The following SDK1 variants were observed in gnomAD, a reference collection of about 807,000 sequenced individuals.
SDK1 encodes protein sidekick-1.
SDK1 carries 157 observed loss-of-function variants against 245.5 expected under a neutral mutation model. That is an observed-to-expected ratio of 0.64 (90% CI 0.56 to 0.73). SDK1 has a LOEUF of 0.73. Ranked by LOEUF, SDK1 falls within the 30% of genes least tolerant of loss-of-function variation. SDK1 has a pLI of 0.00. For missense variants in SDK1, 3,583 were observed against 3,002.3 expected (o/e 1.19, Z -4.52); for synonymous variants, 1,647 against 1,278.5 (o/e 1.29, Z -6.15).
chr7:3,457,997 G>A (rs1780722262), intron 1 of SDK1, among the ~76,000 whole-genome samples: 1 of 152,192 alleles, frequency 6.6e-6, no homozygotes, highest in Admixed American at 6.5e-5. Flanking sequence ...CATTTTCCTT[G>A]AGAATTTTAT....
intron 4 of SDK1, among the ~76,000 whole-genome samples, chr7:3,673,840 C>G (rs1377786851): frequency 6.6e-6 from 1 of 152,168 alleles, no homozygotes; most frequent in Non-Finnish European, 1.5e-5. Flanking sequence ...TATCATAAAA[C>G]TGAGTTCTAA....
chr7:3,826,709 TCC>T (rs1199517528), intron 5 of SDK1, among the ~76,000 whole-genome samples: 1 of 152,202 alleles, frequency 6.6e-6, no homozygotes, highest in Admixed American at 6.5e-5. Flanking sequence ...TTCAGACCCT[TCC>T]TTGGGATAGC....
rs777199429 is a variant in SDK1 at position 4,012,549 on chromosome 7, CTTTTTTTTTTTTTTTTTTTTT to C, written c.2420+337_2420+357del. 0.027 allele frequency among the ~76,000 whole-genome samples: 707 copies of C among 25,936 alleles called. 27 individuals are homozygous for C. In the East Asian group the frequency reaches 0.32, roughly 12 times the overall value. 17.0% of individuals were successfully genotyped at this position (25,936 alleles called of 152,430 possible). A position where few individuals can be genotyped will look rare whatever the true frequency, so the allele number is the denominator to read the frequency against. ...GCAAGGTATATTGTTCAATGTGAAG[CTTTTTTTTTTTTTTTTTTTTT>C]TTTTTTTTTTTTTTTTTTTTTTGAT... On this transcript the variant is annotated intron_variant, in intron 16 of 44. Transcript: ENST00000404826.
intron 5 of SDK1, among the ~76,000 whole-genome samples, chr7:3,905,177 C>A (rs969011413): frequency 6.6e-6 from 1 of 151,782 alleles, no homozygotes; most frequent in African/African-American, 2.4e-5. Flanking sequence ...GATAACTTCA[C>A]CATTTTTTTT....
intron 1 of SDK1, among the ~76,000 whole-genome samples, chr7:3,440,151 A>C (rs147825203): frequency 6.6e-6 from 1 of 152,160 alleles, no homozygotes; most frequent in Admixed American, 6.5e-5. Context: ...CACCGTCCTG[A>C]GTAGTGTGAT....
At chr7:3,439,926 G>A (rs2222407) in intron 1 of SDK1, among the ~76,000 whole-genome samples, 27,900 of 129,400 alleles carry the variant, frequency 0.22, 4,735 homozygotes, top group African/African-American at 0.47. Flanking sequence ...AAACTACCCT[G>A]TGCTGGACTT....
At chr7:3,494,353 G>A (rs1029550728) in intron 1 of SDK1, among the ~76,000 whole-genome samples, 3 of 152,190 alleles carry the variant, frequency 2.0e-5, no homozygotes, top group Non-Finnish European at 4.4e-5. Flanking sequence ...ACAGAGTGAA[G>A]AAATTTTAGT....
intron 43 of SDK1, 24 bp from the exon 44 acceptor site, chr7:4,245,652 T>C (rs749087676): frequency 1.2e-6 from 2 of 1,611,308 alleles, no homozygotes; most frequent in East Asian, 2.2e-5. Flanking sequence ...CAGAGGGTAA[T>C]TGCAGCATGG....
chr7:4,077,194 G>A lies in SDK1; in HGVS notation c.3202+5G>A, dbSNP rs1375981442. On this transcript the variant is annotated splice_donor_5th_base_variant and intron_variant, in intron 21 of 44. Transcript: ENST00000404826. ...TTTCTTCTGGAGTGCCCCCAGGTCA[G>A]TAGAATCGTGTGCGGTCCTCCTGCT... 4.3e-6 allele frequency: 7 copies of A among 1,613,406 alleles called. No individual in the cohort carries two copies. The East Asian group carries it at 6.7e-5, about 15-fold the overall frequency.
chr7:4,234,791 T>TG (rs754112271), intron 41 of SDK1, among the ~76,000 whole-genome samples: 33 of 152,134 alleles, frequency 2.2e-4, no homozygotes, highest in Non-Finnish European at 4.1e-4. Flanking sequence ...GCCAGGGCGC[T>TG]GGGGGGTTCA....
At chr7:3,838,435 A>G (rs1780075498) in intron 5 of SDK1, among the ~76,000 whole-genome samples, 1 of 152,238 alleles carries the variant, frequency 6.6e-6, no homozygotes, top group East Asian at 1.9e-4. Context: ...AAGGTTGAGT[A>G]AGAGGCAGTC....
chr7:3,748,813 C>G (rs1308493723), intron 4 of SDK1, among the ~76,000 whole-genome samples: 1 of 152,130 alleles, frequency 6.6e-6, no homozygotes, highest in Non-Finnish European at 1.5e-5. Flanking sequence ...ATACATAAAT[C>G]CAAGGTTTCA....
chr7:3,518,449 A>G lies in SDK1; in HGVS notation c.299-100631A>G, dbSNP rs117504066. Among the ~76,000 whole-genome samples the G allele has an allele frequency of 3.1e-4, 47 of 152,104 alleles. No individual in the cohort carries two copies. In the East Asian group the frequency reaches 8.5e-3, roughly 28 times the overall value. On this transcript the variant is annotated intron_variant, in intron 1 of 44. Coordinates refer to ENST00000404826, the MANE Select transcript of SDK1 (RefSeq NM_152744.4). The stretch of plus-strand genomic sequence containing the variant: ...CAAACTGTTCATCTCAAAGGGAACT[A>G]ATATCCAGAATGTACTAGGAACTTA...
At chr7:3,773,186 C>T (rs1021636268) in intron 4 of SDK1, among the ~76,000 whole-genome samples, 3 of 152,098 alleles carry the variant, frequency 2.0e-5, no homozygotes, top group Admixed American at 1.3e-4. Context: ...TATGTTTGTC[C>T]TCTTTATTGT....
intron 5 of SDK1, among the ~76,000 whole-genome samples, chr7:3,908,142 C>T (rs912449057): frequency 6.6e-6 from 1 of 152,102 alleles, no homozygotes; most frequent in African/African-American, 2.4e-5. Context: ...GAAAATTAAC[C>T]CTGGAGTAAC....
At chr7:4,210,642 C>T (rs1380593986) in intron 38 of SDK1, among the ~76,000 whole-genome samples, 3 of 152,176 alleles carry the variant, frequency 2.0e-5, no homozygotes, top group South Asian at 2.1e-4. Flanking sequence ...CTCGCTCATC[C>T]GTCCCCTCAG....
At chr7:3,591,053 C>T (rs1780856390) in intron 1 of SDK1, among the ~76,000 whole-genome samples, 3 of 152,054 alleles carry the variant, frequency 2.0e-5, no homozygotes, top group African/African-American at 7.2e-5. Context: ...TTAAGAACAA[C>T]GGTTTATATG....
chr7:3,387,668 A>T (rs1362167615), intron 1 of SDK1, among the ~76,000 whole-genome samples: 1 of 152,212 alleles, frequency 6.6e-6, no homozygotes, highest in Non-Finnish European at 1.5e-5. Context: ...TTACACAACG[A>T]TGTGAATGTA....
At chr7:3,786,046 C>A (rs960570223) in intron 4 of SDK1, among the ~76,000 whole-genome samples, 1 of 152,120 alleles carries the variant, frequency 6.6e-6, no homozygotes, top group African/African-American at 2.4e-5. Flanking sequence ...AATGTGGTCT[C>A]TTTGAACATA....
Sources: gnomAD v4.1 joint callset for allele counts (sites outside exome capture counted in the v4.1 genomes callset) on GRCh38, gnomAD v4.1.1 for gene constraint, MANE v1.5 for transcripts, NCBI Gene and HGNC (gene_info 2026-07-23, HGNC 2026-07-21) for gene names.